FBXO34: variants seen among roughly 807,000 people sequenced by gnomAD.
FBXO34 encodes the protein F-box protein 34, also known as F-box only protein 34.
Under a neutral mutation model 24.5 loss-of-function variants are expected in FBXO34, and 12 were observed. That is an observed-to-expected ratio of 0.49 (90% confidence interval 0.31 to 0.79). The LOEUF is 0.79. FBXO34 is among the 30% of genes least tolerant of loss of function. FBXO34 has a pLI of 0.04. For synonymous variants in FBXO34, 320 were observed against 311.9 expected (o/e 1.03, Z -0.27); for missense variants, 823 against 857.7 (o/e 0.96, Z 0.51).
chr14:55,338,048 C>CTTTTTTTTTTTGTTTTTTTTT (rs1883847133), intron 1 of FBXO34, among the ~76,000 whole-genome samples: 1 of 88,266 alleles, frequency 1.1e-5, no homozygotes, highest in Non-Finnish European at 2.1e-5. Context: ...GTATGTACTT[C>CTTTTTTTTTTTGTTTTTTTTT]TTTTTTTTTT....
chr14:55,428,119 CTTTTTTTTT>C, the FBXO34 span, among the ~76,000 whole-genome samples: 39 of 43,360 alleles, frequency 9.0e-4, no homozygotes, highest in East Asian at 1.7e-3. Context: ...CATGCCTTAT[CTTTTTTTTT>C]TTTTTTTTTT....
chr14:55,422,598 T>TC, the FBXO34 span, among the ~76,000 whole-genome samples: 2 of 152,144 alleles, frequency 1.3e-5, no homozygotes, highest in African/African-American at 2.4e-5. Flanking sequence ...ACACCTGTAG[T>TC]CCCAGCACTT....
intron 1 of FBXO34, among the ~76,000 whole-genome samples, chr14:55,303,873 T>A (rs1053151832): frequency 4.6e-5 from 7 of 151,924 alleles, no homozygotes; most frequent in Admixed American, 1.3e-4. Flanking sequence ...GCAAGGGAGG[T>A]GAATAGAGAG....
chr14:55,424,764 G>A, the FBXO34 span, among the ~76,000 whole-genome samples: 2 of 152,070 alleles, frequency 1.3e-5, no homozygotes, highest in Non-Finnish European at 2.9e-5. Flanking sequence ...CAATTATCCC[G>A]AGTTTTTACA....
chr14:55,367,247 A>C (rs972270686), exon 3 of FBXO34: 2 of 152,032 alleles, frequency 1.3e-5, no homozygotes, highest in Non-Finnish European at 2.9e-5. Flanking sequence ...TCCAAATCCC[A>C]CTCTTACAAC....
chr14:55,316,681 C>A (rs1318332374), intron 1 of FBXO34, among the ~76,000 whole-genome samples: 1 of 148,104 alleles, frequency 6.8e-6, no homozygotes, highest in Non-Finnish European at 1.5e-5. Flanking sequence ...GAGCTGAGAT[C>A]ATGCCACTGC....
chr14:55,323,569 G>A (rs760143701), intron 1 of FBXO34, among the ~76,000 whole-genome samples: 22 of 151,752 alleles, frequency 1.4e-4, no homozygotes, highest in Non-Finnish European at 2.5e-4. Context: ...TTTTAGTAGA[G>A]ACGGAGTTTC....
In FBXO34 at chr14:55,352,133, C is replaced by A; in HGVS notation, c.1743C>A (p.His581Gln). The part of the protein sequence containing the change: ...PQQYMAFLPH[H>Q]IMVKIFRLLP... ...AGTACATGGCTTTTCTGCCCCACCA[C>A]ATTATGGTAAAAATCTTCAGGTTAC... The change falls in exon 2 of 2, where the codon CAC becomes CAA. Residue 581 changes from histidine to glutamine, a missense_variant. By Grantham distance (24) the His-to-Gln change is conservative (BLOSUM62 0). Transcript: ENST00000313833. The A allele has an allele frequency of 6.2e-7, 1 of 1,614,194 alleles. No individual in the cohort carries two copies.
intron 1 of FBXO34, among the ~76,000 whole-genome samples, chr14:55,295,387 A>ATTTTTT: frequency 2.2e-5 from 2 of 91,408 alleles, no homozygotes; most frequent in Non-Finnish European, 4.0e-5. Flanking sequence ...ATTCTTTTCT[A>ATTTTTT]TTTTTTTTTT....
chr14:55,296,094 G>C (rs1882111909), intron 1 of FBXO34, among the ~76,000 whole-genome samples: 1 of 152,080 alleles, frequency 6.6e-6, no homozygotes, highest in Non-Finnish European at 1.5e-5. Flanking sequence ...TTGAAGACCA[G>C]CCTTAGCAAG....
intron 1 of FBXO34, among the ~76,000 whole-genome samples, chr14:55,289,670 G>A (rs1881877580): frequency 6.6e-6 from 1 of 151,978 alleles, no homozygotes; most frequent in Non-Finnish European, 1.5e-5. Flanking sequence ...CAAGTAGTTG[G>A]GAATACAGGC....
chr14:55,275,749 G>T (rs939688135), intron 1 of FBXO34, among the ~76,000 whole-genome samples: 6 of 149,450 alleles, frequency 4.0e-5, no homozygotes, highest in Non-Finnish European at 7.4e-5. Context: ...GTGTGAACCC[G>T]GAAGGCAGAG....
intron 1 of FBXO34, among the ~76,000 whole-genome samples, chr14:55,304,298 C>T (rs1249539229): frequency 6.6e-6 from 1 of 152,154 alleles, no homozygotes; most frequent in Admixed American, 6.5e-5. Context: ...CTCCTTAATT[C>T]ATTAACACCA....
the FBXO34 span, chr14:55,411,748 G>C: frequency 6.2e-7 from 1 of 1,609,702 alleles, no homozygotes; most frequent in Non-Finnish European, 8.5e-7. Context: ...AGTCCACCAG[G>C]TCCCGGGCGA....
intron 1 of FBXO34, among the ~76,000 whole-genome samples, chr14:55,338,340 C>T (rs572994974): frequency 5.3e-5 from 8 of 152,040 alleles, no homozygotes; most frequent in South Asian, 2.1e-4. Context: ...TGAGCCACTG[C>T]GGCCAGCGAG....
chr14:55,284,015 T>C lies in FBXO34; in HGVS notation c.-11+12478T>C, dbSNP rs75274058. On this transcript the variant is annotated intron_variant, in intron 1 of 1. Transcript: ENST00000313833. ...ATGTGTATGTATGTGTATGTATTTT[T>C]AGAGGTAGGGTCTCATTCTTTTGCT... Among the ~76,000 whole-genome samples the C allele has an allele frequency of 2.5e-3, 380 of 151,962 alleles. 5 individuals are homozygous for C. The East Asian group carries it at 0.035, about 14-fold the overall frequency.
the FBXO34 span, chr14:55,435,882 C>T: frequency 6.4e-7 from 1 of 1,573,238 alleles, no homozygotes; most frequent in Non-Finnish European, 8.6e-7. Context: ...GCATGCAAAG[C>T]TATTTTCTTC....
At chr14:55,337,274 C>T (rs1003900940) in intron 1 of FBXO34, among the ~76,000 whole-genome samples, 1 of 151,818 alleles carries the variant, frequency 6.6e-6, no homozygotes, top group Admixed American at 6.6e-5. Context: ...GCACCTGGTC[C>T]ATGCTTATGG....
chr14:55,375,373 G>GGTTGGA, the FBXO34 span, among the ~76,000 whole-genome samples: 16 of 152,130 alleles, frequency 1.1e-4, no homozygotes, highest in Non-Finnish European at 2.9e-5. Context: ...CTGTCATCCA[G>GGTTGGA]GTTGGAGTGC....
Sources: allele counts gnomAD v4.1 joint callset (sites outside exome capture counted in the v4.1 genomes callset), GRCh38; gene constraint gnomAD v4.1.1; transcripts MANE v1.5; gene names NCBI Gene and HGNC (gene_info 2026-07-23, HGNC 2026-07-21).